Variants in ARHGAP35 observed in about 807,000 individuals in gnomAD.
ARHGAP35 encodes the protein rho GTPase-activating protein 35.
Under a neutral mutation model 111.1 loss-of-function variants are expected in ARHGAP35, and 15 were observed. The observed-to-expected ratio is 0.13, with a 90% CI of 0.09 to 0.21. The LOEUF is 0.21. ARHGAP35 is among the 10% of genes least tolerant of loss of function. The pLI, the probability that ARHGAP35 is intolerant of heterozygous loss-of-function variation, is 1.00. For synonymous variants in ARHGAP35, 643 were observed against 710.3 expected (o/e 0.91, Z 1.51); for missense variants, 1,262 against 1,873.0 (o/e 0.67, Z 6.02).
chr19:46,888,357 CA>C (rs2122147529), intron 1 of ARHGAP35, among the ~76,000 whole-genome samples: 2 of 136,766 alleles, frequency 1.5e-5, no homozygotes, highest in Admixed American at 1.5e-4. Flanking sequence ...CACACACACA[CA>C]CACACACCCC....
Position 46,959,428 on chromosome 19 carries a change from C to T in ARHGAP35, c.3826+22020C>T, listed in dbSNP as rs184364531. On this transcript the variant is annotated intron_variant, in intron 3 of 6. Transcript: ENST00000672722. ...TTTTATTTTTTTGAGACAAGAGTTT[C>T]ACTCTTGTCACCCAGGCTGGAGTGC... Among the ~76,000 whole-genome samples the T allele has an allele frequency of 7.2e-3, 1,084 of 150,692 alleles. 33 individuals carry two copies. Among genetic ancestry groups the T allele is most frequent in the Non-Finnish European group, 4.6e-3 (308 of 67,674 alleles).
intron 3 of ARHGAP35, among the ~76,000 whole-genome samples, chr19:46,946,063 T>C (rs942404283): frequency 1.3e-5 from 2 of 152,244 alleles, no homozygotes; most frequent in African/African-American, 4.8e-5. Flanking sequence ...TATAAATAAC[T>C]GCCAGGACAC....
intron 1 of ARHGAP35, among the ~76,000 whole-genome samples, chr19:46,861,448 C>T (rs2055826516): frequency 3.3e-5 from 5 of 149,292 alleles, no homozygotes; most frequent in Admixed American, 3.3e-4. Context: ...CGCCCCAGCC[C>T]TGCTGTCCCC....
At chr19:46,934,881 C>T (rs1189125202) in intron 2 of ARHGAP35, among the ~76,000 whole-genome samples, 2 of 152,094 alleles carry the variant, frequency 1.3e-5, no homozygotes, top group Admixed American at 6.5e-5. Flanking sequence ...CCATGTTGCC[C>T]AGGCTGGTCT....
intron 3 of ARHGAP35, among the ~76,000 whole-genome samples, chr19:46,953,848 C>T (rs1295761970): frequency 6.6e-6 from 1 of 152,346 alleles, no homozygotes; most frequent in East Asian, 1.9e-4. Flanking sequence ...CACTGGACTC[C>T]TTAGCACCTT....
rs1432209520 is a variant in ARHGAP35 at position 47,002,971 on chromosome 19, C to G, written c.*2283C>G. ...CCTGAAACTAGGTCTGGGGCACTCC[C>G]AATGCAGCGCCTTGTCAGCCAAGGT... On this transcript the variant is annotated 3_prime_UTR_variant, in exon 7 of 7. Coordinates refer to ENST00000672722, the MANE Select transcript of ARHGAP35 (RefSeq NM_004491.5). The G allele has an allele frequency of 6.6e-6, 1 of 152,370 alleles. No individual in the cohort carries two copies. Among genetic ancestry groups the G allele is most frequent in the Non-Finnish European group, 1.5e-5 (1 of 68,136 alleles). The allele number at this position is 152,370 out of a possible 1,614,324, so 9.4% of individuals were successfully genotyped here.
At position 46,919,395 on chromosome 19, in the gene ARHGAP35, C is replaced by T. The variant is rs746695683; in HGVS notation, c.720C>T (p.Phe240=). 2.5e-6 allele frequency: 4 copies of T among 1,613,946 alleles called. No individual in the cohort carries two copies. The East Asian group carries it at 6.7e-5, about 27-fold the overall frequency. The change falls in exon 2 of 7, where the codon TTC becomes TTT. Residue 240 remains phenylalanine (F), a synonymous_variant. Coordinates refer to ENST00000672722, the MANE Select transcript of ARHGAP35 (RefSeq NM_004491.5). The surrounding 1 kb of genome is among the most constrained non-coding windows in gnomAD (Gnocchi z 6.2). The part of the protein sequence containing the change: ...ARSNVNVDLA[F]STLVQLIDKS... ...CCAATGTAAACGTGGACTTGGCTTT[C>T]AGCACCTTAGTGCAACTCATTGATA...
At chr19:46,978,507 C>A (rs1218528541) in intron 3 of ARHGAP35, among the ~76,000 whole-genome samples, 1 of 119,742 alleles carries the variant, frequency 8.4e-6, no homozygotes, top group Non-Finnish European at 1.7e-5. Flanking sequence ...GTGGTGGTGG[C>A]GTGTGTGATG....
intron 1 of ARHGAP35, among the ~76,000 whole-genome samples, chr19:46,909,266 G>A (rs529123849): frequency 1.3e-4 from 20 of 152,230 alleles, no homozygotes; most frequent in South Asian, 4.1e-4. Context: ...TTGCACCACC[G>A]CACTCCAGCC....
Position 46,921,722 on chromosome 19 carries a change from T to A in ARHGAP35, c.3047T>A (p.Leu1016Gln). 1 of 1,614,002 alleles carries A rather than the reference T, an allele frequency of 6.2e-7. No homozygotes were observed. Among genetic ancestry groups the A allele is most frequent in the Non-Finnish European group, 8.5e-7 (1 of 1,179,884 alleles). ...SKDHSKLSME[L>Q]EGNDGLSFIM... ...GACCATTCTAAGCTCTCTATGGAACTGGAGGGAAATGATGGGCTGTCTTTC... is the reference window on the plus strand; with the variant it reads ...GACCATTCTAAGCTCTCTATGGAACAGGAGGGAAATGATGGGCTGTCTTTC... Residue 1016 changes from leucine (L) to glutamine (Q), a missense_variant, in exon 2 of 7, where the codon CTG (leucine) becomes CAG (glutamine). Coordinates refer to ENST00000672722, the MANE Select transcript of ARHGAP35 (RefSeq NM_004491.5). The surrounding 1 kb of genome is among the most constrained non-coding windows in gnomAD (Gnocchi z 4.3).
chr19:46,929,242 G>A (rs1037825257), intron 2 of ARHGAP35, among the ~76,000 whole-genome samples: 7 of 152,134 alleles, frequency 4.6e-5, no homozygotes, highest in Admixed American at 3.9e-4. Flanking sequence ...GGGGAGCACC[G>A]GTTAACCAAG....
chr19:46,871,414 C>T (rs796882757), intron 1 of ARHGAP35, among the ~76,000 whole-genome samples: 4 of 152,234 alleles, frequency 2.6e-5, no homozygotes, highest in African/African-American at 9.6e-5. Flanking sequence ...ATGGTCTTGG[C>T]TCACTGCGAC....
chr19:46,878,149 C>G (rs936161125), intron 1 of ARHGAP35, among the ~76,000 whole-genome samples: 15 of 151,964 alleles, frequency 9.9e-5, no homozygotes, highest in African/African-American at 3.1e-4. Flanking sequence ...GCATCCTGAG[C>G]AGCTGGAACT....
At chr19:46,942,196 G>A (rs1280218509) in intron 3 of ARHGAP35, among the ~76,000 whole-genome samples, 1 of 152,170 alleles carries the variant, frequency 6.6e-6, no homozygotes, top group Non-Finnish European at 1.5e-5. Context: ...TTCGTGATCT[G>A]CTACTTAGTG....
At position 46,999,989 on chromosome 19, in the gene ARHGAP35, C is replaced by A. The variant is rs1302218143; in HGVS notation, c.4143-342C>A. 6.6e-6 allele frequency among the ~76,000 whole-genome samples: 1 copy of A among 152,162 alleles called. No homozygotes were observed. Among genetic ancestry groups the A allele is most frequent in the East Asian group, 1.9e-4 (1 of 5,186 alleles). On this transcript the variant is annotated intron_variant, in intron 6 of 6. Coordinates refer to ENST00000672722, the MANE Select transcript of ARHGAP35 (RefSeq NM_004491.5). The surrounding 1 kb of genome is among the most constrained non-coding windows in gnomAD (Gnocchi z 5.4). Reference sequence around the variant, plus strand: ...CGAGTGGCCTCTGATGGCGCTCTGGCTTAGGACACTCAGCCTCCCTCCCTC... The same window carrying A: ...CGAGTGGCCTCTGATGGCGCTCTGGATTAGGACACTCAGCCTCCCTCCCTC...
Position 46,999,588 on chromosome 19 carries a change from C to A in ARHGAP35, c.4142+179C>A. On this transcript the variant is annotated intron_variant, in intron 6 of 6. Transcript: ENST00000672722. The surrounding 1 kb of genome is among the most constrained non-coding windows in gnomAD (Gnocchi z 5.4). ...CTCGGTGCCCAGAGCCTCTGCCTCT[C>A]GCCCATCCTCAGGCCTCCCTCCTGC... 1.7e-6 allele frequency: 1 copy of A among 589,948 alleles called. No homozygotes were observed. The highest frequency in any genetic ancestry group is 2.8e-5 in the East Asian group (1 of 35,830). The allele number at this position is 589,948 out of a possible 1,614,324, so 36.5% of individuals were successfully genotyped here.
intron 2 of ARHGAP35, among the ~76,000 whole-genome samples, chr19:46,934,573 G>A (rs2056293444): frequency 1.3e-5 from 2 of 152,030 alleles, no homozygotes; most frequent in Admixed American, 1.3e-4. Context: ...CACTATGTTG[G>A]CCAGGCTGGT....
intron 1 of ARHGAP35, among the ~76,000 whole-genome samples, chr19:46,873,800 G>A (rs902572965): frequency 6.7e-6 from 1 of 149,426 alleles, no homozygotes; most frequent in Non-Finnish European, 1.5e-5. Flanking sequence ...CCAGGCTGGC[G>A]TGCAGTGGCA....
At chr19:46,938,328 T>C (rs898136315) in intron 3 of ARHGAP35, among the ~76,000 whole-genome samples, 8 of 152,172 alleles carry the variant, frequency 5.3e-5, no homozygotes, top group Non-Finnish European at 1.2e-4. Context: ...GCAGGGAAGA[T>C]GGCTTTATTT....
Sources: gnomAD v4.1 joint callset for allele counts (sites outside exome capture counted in the v4.1 genomes callset) on GRCh38, gnomAD v4.1.1 for gene constraint, Gnocchi (gnomAD v3.1) non-coding constraint, MANE v1.5 for transcripts, NCBI Gene and HGNC (gene_info 2026-07-23, HGNC 2026-07-21) for gene names.